Variants in ERLEC1 observed in about 807,000 individuals in gnomAD.
ERLEC1 encodes ER lectin.
ERLEC1 carries 47 observed loss-of-function variants against 68.0 expected under a neutral mutation model. The observed-to-expected ratio is 0.69, with a 90% CI of 0.55 to 0.88. The LOEUF (loss-of-function observed/expected upper bound fraction) is 0.88, where lower values mean the gene tolerates loss of function less well. Among genes scored for constraint, ERLEC1 ranks in the 40% least tolerant of loss-of-function variants. ERLEC1 has a pLI of 0.00. For synonymous variants in ERLEC1, 225 were observed against 203.2 expected (o/e 1.11, Z -0.91); for missense variants, 567 against 583.8 (o/e 0.97, Z 0.30).
At chr2:53,807,008 ACT>A (rs1248403025) in intron 8 of ERLEC1, among the ~76,000 whole-genome samples, 2 of 151,840 alleles carry the variant, frequency 1.3e-5, no homozygotes, top group Non-Finnish European at 2.9e-5. Context: ...TCCTAACTTG[ACT>A]CTCTTCCTCT....
chr2:53,811,836 T>C (rs1306976260), intron 10 of ERLEC1, among the ~76,000 whole-genome samples: 1 of 152,218 alleles, frequency 6.6e-6, no homozygotes, highest in African/African-American at 2.4e-5. Context: ...AAAACAAATG[T>C]TGTTAGCTAT....
chr2:53,789,527 C>T (rs1054868116), intron 1 of ERLEC1, among the ~76,000 whole-genome samples: 2 of 152,128 alleles, frequency 1.3e-5, no homozygotes, highest in Admixed American at 6.5e-5. Flanking sequence ...TCCTGAACAG[C>T]GAGGACTACA....
chr2:53,804,979 G>T (rs986896121), intron 8 of ERLEC1, among the ~76,000 whole-genome samples: 1 of 147,822 alleles, frequency 6.8e-6, no homozygotes, highest in Non-Finnish European at 1.5e-5. Flanking sequence ...TGTTGCAAAT[G>T]ACAGGATCTC....
At chr2:53,790,978 G>A (rs1239273773) in intron 1 of ERLEC1, among the ~76,000 whole-genome samples, 6 of 152,166 alleles carry the variant, frequency 3.9e-5, no homozygotes, top group Admixed American at 3.9e-4. Flanking sequence ...CTAATTTTCT[G>A]TCTACTTCTG....
chr2:53,815,665 G>C (rs2542572), intron 13 of ERLEC1, among the ~76,000 whole-genome samples: 24,624 of 152,070 alleles, frequency 0.16, 2,071 homozygotes, highest in South Asian at 0.24. Context: ...GAATCATATA[G>C]TGTATAATAT....
At position 53,814,427 on chromosome 2, in the gene ERLEC1, T is replaced by G. The variant is rs1161735311; in HGVS notation, c.1227-116T>G. ...TTTTAAAGAATATTTTATAGTCAGG[T>G]TTTTTTTTAACTAATGCAAAACTGA... is the stretch of plus-strand genomic sequence containing the variant. On this transcript the variant is annotated intron_variant, in intron 11 of 13. Coordinates refer to ENST00000185150, the MANE Select transcript of ERLEC1 (RefSeq NM_015701.5). 2.0e-5 allele frequency: 11 copies of G among 539,420 alleles called. No individual in the cohort carries two copies. The East Asian group carries it at 2.8e-4, about 14-fold the overall frequency. 33.4% of individuals were successfully genotyped at this position (539,420 alleles called of 1,614,324 possible).
intron 1 of ERLEC1, among the ~76,000 whole-genome samples, chr2:53,789,649 G>A (rs1170702565): frequency 1.3e-5 from 2 of 151,956 alleles, no homozygotes; most frequent in Non-Finnish European, 2.9e-5. Flanking sequence ...GTAAAAATAA[G>A]CCACAATAGT....
In ERLEC1 at chr2:53,797,564, A is replaced by C; in HGVS notation, c.398A>C (p.Gln133Pro). 1 of 1,612,644 alleles carries C rather than the reference A, an allele frequency of 6.2e-7. No homozygotes were observed. The highest frequency in any genetic ancestry group is 8.5e-7 in the Non-Finnish European group (1 of 1,179,610). The change falls in exon 4 of 14, where the codon CAG (glutamine) becomes CCG (proline). Residue 133 changes from glutamine (Q) to proline (P), a missense_variant. By Grantham distance (76) the Gln-to-Pro change is moderately conservative (BLOSUM62 -1). Transcript: ENST00000185150. ...GTATGTCATGGAAAACACATTCGGC[A>C]GTACCATGAAGAGAAAGAAACTGGT... ...YEVCHGKHIR[Q>P]YHEEKETGQK...
chr2:53,797,243 G>A (rs1426188204), intron 3 of ERLEC1, among the ~76,000 whole-genome samples: 1 of 152,148 alleles, frequency 6.6e-6, no homozygotes, highest in Non-Finnish European at 1.5e-5. Flanking sequence ...TATTTTTTAA[G>A]CTATGTAGAA....
At chr2:53,798,830 C>G (rs1675855305) in intron 5 of ERLEC1, among the ~76,000 whole-genome samples, 1 of 151,850 alleles carries the variant, frequency 6.6e-6, no homozygotes, top group Non-Finnish European at 1.5e-5. Context: ...CAGTTTTCTA[C>G]CTGAAATAGA....
chr2:53,795,131 C>G (rs2542590), intron 2 of ERLEC1, among the ~76,000 whole-genome samples: 39,538 of 152,068 alleles, frequency 0.26, 5,540 homozygotes, highest in South Asian at 0.33. Flanking sequence ...AGCCCATGCC[C>G]TTTTCTTCCT....
In ERLEC1 at chr2:53,795,919, C is replaced by A; in HGVS notation, c.268-14C>A. 6.4e-7 allele frequency: 1 copy of A among 1,564,250 alleles called. No individual in the cohort carries two copies. Reference sequence around the variant, plus strand: ...TAGAAAAACTGTAAGTATTAAACTCCAATTCTTTCTTAGGAAGAAGAAAAG... The same window carrying A: ...TAGAAAAACTGTAAGTATTAAACTCAAATTCTTTCTTAGGAAGAAGAAAAG... On this transcript the variant is annotated splice_polypyrimidine_tract_variant and intron_variant, in intron 2 of 13. Transcript: ENST00000185150.
At chr2:53,808,998 G>A (rs1036227987) in intron 9 of ERLEC1, among the ~76,000 whole-genome samples, 6 of 152,294 alleles carry the variant, frequency 3.9e-5, no homozygotes, top group Admixed American at 2.0e-4. Context: ...ACAGTTACTA[G>A]TGGAATTTTT....
In ERLEC1 at chr2:53,787,406, C is replaced by T. The variant is rs1319114045; in HGVS notation, c.162+34C>T. 6.3e-6 allele frequency: 10 copies of T among 1,586,034 alleles called. No individual in the cohort carries two copies. The South Asian group carries it at 6.8e-5, about 11-fold the overall frequency. On this transcript the variant is annotated intron_variant, in intron 1 of 13. Coordinates refer to ENST00000185150, the MANE Select transcript of ERLEC1 (RefSeq NM_015701.5). ...CCTCACTAACCCCGCAGCCACCCCTCCTCCTGACACTAAGGGTTCGGCCTC... is the reference window on the plus strand; with the variant it reads ...CCTCACTAACCCCGCAGCCACCCCTTCTCCTGACACTAAGGGTTCGGCCTC...
chr2:53,809,026 A>G (rs1021869825), intron 9 of ERLEC1, among the ~76,000 whole-genome samples, 188 bp from the exon 10 acceptor site: 1 of 152,154 alleles, frequency 6.6e-6, no homozygotes, highest in African/African-American at 2.4e-5. Context: ...TGTATTTAAA[A>G]TTTTACCAAG....
intron 1 of ERLEC1, among the ~76,000 whole-genome samples, chr2:53,792,120 T>C (rs1323331379): frequency 6.6e-6 from 1 of 151,974 alleles, no homozygotes. Context: ...TTCACCGTCT[T>C]AGCCAGGATA....
chr2:53,798,187 T>C (rs994244830), intron 5 of ERLEC1, among the ~76,000 whole-genome samples: 1 of 152,040 alleles, frequency 6.6e-6, no homozygotes, highest in African/African-American at 2.4e-5. Flanking sequence ...AGAGTGAGAC[T>C]CCATTTCAAA....
chr2:53,787,533 G>A (rs115479600), intron 1 of ERLEC1, 161 bp downstream of exon 1: 1 of 784,014 alleles, frequency 1.3e-6, no homozygotes, highest in Non-Finnish European at 1.9e-6. Context: ...TCATTCGTTC[G>A]TTCTCACGTT....
At chr2:53,799,951 TAAAG>T (rs1022789403) in intron 6 of ERLEC1, among the ~76,000 whole-genome samples, 5 of 152,088 alleles carry the variant, frequency 3.3e-5, no homozygotes, top group Admixed American at 2.6e-4. Flanking sequence ...TGTAAAATGA[TAAAG>T]GAAGAGGAAG....
Sources: gnomAD v4.1 joint callset for allele counts (sites outside exome capture counted in the v4.1 genomes callset) on GRCh38, gnomAD v4.1.1 for gene constraint, MANE v1.5 for transcripts, NCBI Gene and HGNC (gene_info 2026-07-23, HGNC 2026-07-21) for gene names.